Variants in LDHC observed in about 807,000 individuals in gnomAD.
LDHC encodes the protein lactate dehydrogenase C, also known as L-lactate dehydrogenase C chain.
In LDHC, 20 loss-of-function variants were observed where a neutral mutation model predicts 30.2. That is an observed-to-expected ratio of 0.66 (90% CI 0.47 to 0.96). LDHC has a LOEUF of 0.96. Ranked by LOEUF, LDHC falls within the 40% of genes least tolerant of loss-of-function variation. The probability of loss-of-function intolerance (pLI) is 0.00; values close to 1 mark genes in which losing one functional copy is unlikely to be tolerated. For missense variants in LDHC, 362 were observed against 394.9 expected, an observed-to-expected ratio of 0.92 and a Z score of 0.71; for synonymous variants, 139 against 132.7, an observed-to-expected ratio of 1.05 and a Z score of -0.32.
rs1197642936 is a variant in LDHC, at chr11:18,434,813, T to C, written c.492T>C (p.Asn164=). The C allele has an allele frequency of 6.2e-7, 1 of 1,611,508 alleles. No individual in the cohort carries two copies. The highest frequency in any genetic ancestry group is 2.2e-5 in the East Asian group (1 of 44,864). Residue 164 remains asparagine, a synonymous_variant, in exon 5 of 8, where the codon AAT becomes AAC. Transcript: ENST00000541669. ...PVTRVIGSGC[N]LDSARFRYLI... ...CTCGTGTAATTGGAAGTGGTTGTAA[T>C]CTAGACTCTGCCCGTTTCCGTTACC...
At chr11:18,435,020 T>C in intron 5 of LDHC, 107 bp downstream of exon 5, 1 of 690,162 alleles carries the variant, frequency 1.4e-6, no homozygotes, top group Non-Finnish European at 2.3e-6. Flanking sequence ...ATAAGTTTAA[T>C]TTTTTTGGTA....
chr11:18,446,203 A>G lies in LDHC; in HGVS notation c.711-7A>G. 1.3e-6 allele frequency: 2 copies of G among 1,596,596 alleles called. No homozygotes were observed. The highest frequency in any genetic ancestry group is 1.7e-6 in the Non-Finnish European group (2 of 1,165,084). ...GAATTTGATTTTCTTACTTTCTACA[A>G]CTGTAGTGCCTATGAAATTATCAAG... On this transcript the variant is annotated splice_region_variant and splice_polypyrimidine_tract_variant and intron_variant, in intron 6 of 7. Transcript: ENST00000541669.
chr11:18,448,130 CT>C (rs1848587354), intron 7 of LDHC, among the ~76,000 whole-genome samples: 2 of 151,412 alleles, frequency 1.3e-5, no homozygotes, highest in African/African-American at 4.9e-5. Flanking sequence ...TTTTCTGAGG[CT>C]GCAGAACCTA....
intron 7 of LDHC, among the ~76,000 whole-genome samples, chr11:18,447,188 C>T (rs1402895911): frequency 6.7e-6 from 1 of 149,704 alleles, no homozygotes; most frequent in East Asian, 2.0e-4. Flanking sequence ...GGCTGGAGTG[C>T]AGTCATGCGA....
At position 18,448,345 on chromosome 11, in the gene LDHC, G is replaced by A. The variant is rs61551469; in HGVS notation, c.834+2012G>A. ...GTTGCCCAGGCTGGAGTGCAGTGGC[G>A]CAATCTCAGCTCACTGCAACCTCTG... On this transcript the variant is annotated intron_variant, in intron 7 of 7. Coordinates refer to ENST00000541669, the MANE Select transcript of LDHC (RefSeq NM_017448.5). Among the ~76,000 whole-genome samples, 152 of 152,166 alleles carry A rather than the reference G, an allele frequency of 1.0e-3. 5 individuals are homozygous for A. In the South Asian group the frequency reaches 0.028, roughly 29 times the overall value.
In LDHC at chr11:18,433,659, G is replaced by T. The variant is rs552707030; in HGVS notation, c.419-1081G>T. The stretch of plus-strand genomic sequence containing the variant: ...TTCTAGGTTGTAGGGTTTCTGCTGA[G>T]AAATCTGCTATTAATTTGATAGGTT... On this transcript the variant is annotated intron_variant, in intron 4 of 7. Coordinates refer to ENST00000541669, the MANE Select transcript of LDHC (RefSeq NM_017448.5). Among the ~76,000 whole-genome samples, 68 of 152,352 alleles carry T rather than the reference G, an allele frequency of 4.5e-4. 1 individual carries two copies. Among genetic ancestry groups the T allele is most frequent in the African/African-American group, 1.6e-3 (66 of 41,588 alleles).
At chr11:18,449,959 C>A (rs529228254) in intron 7 of LDHC, among the ~76,000 whole-genome samples, 19 of 151,982 alleles carry the variant, frequency 1.3e-4, no homozygotes, top group African/African-American at 4.3e-4. Context: ...CCTTCTCCCA[C>A]AACCCCAGAC....
intron 3 of LDHC, among the ~76,000 whole-genome samples, chr11:18,423,014 AG>A (rs1212672714): frequency 9.2e-6 from 1 of 108,414 alleles, no homozygotes; most frequent in South Asian, 3.8e-4. Flanking sequence ...AAAAACTCAA[AG>A]AATATATTAT....
At chr11:18,414,942 CA>C (rs1245928137) in intron 2 of LDHC, among the ~76,000 whole-genome samples, 1 of 151,736 alleles carries the variant, frequency 6.6e-6, no homozygotes, top group Admixed American at 6.6e-5. Context: ...AAAACAAAAA[CA>C]AAAAACACCC....
At chr11:18,424,858 A>G (rs1011878540) in intron 3 of LDHC, among the ~76,000 whole-genome samples, 5 of 152,062 alleles carry the variant, frequency 3.3e-5, no homozygotes, top group Non-Finnish European at 5.9e-5. Flanking sequence ...AAATACAAAA[A>G]TTAGCTGGGT....
chr11:18,414,787 A>G (rs1342854336), intron 2 of LDHC, among the ~76,000 whole-genome samples: 3 of 152,184 alleles, frequency 2.0e-5, no homozygotes, highest in Non-Finnish European at 4.4e-5. Context: ...AGATTGTGCC[A>G]CTGCACTCCA....
intron 4 of LDHC, among the ~76,000 whole-genome samples, chr11:18,432,010 G>A (rs1469212403): frequency 6.6e-6 from 1 of 151,976 alleles, no homozygotes; most frequent in Admixed American, 6.6e-5. Context: ...TGCTGGGTTT[G>A]GGTTTGGTTT....
At chr11:18,429,962 T>A in intron 4 of LDHC, 52 bp downstream of exon 4, 2 of 1,134,818 alleles carry the variant, frequency 1.8e-6, no homozygotes, top group South Asian at 3.0e-5. Flanking sequence ...TTCCATACCA[T>A]TCCTTTAAAA....
rs200320103 is a variant in LDHC, at chr11:18,448,112, A to AC, written c.834+1783dup. Reference sequence around the variant, plus strand: ...AAAGAGTACACAATGGATACCACACACCCCTTCTTTTCTGAGGCTGCAGAA... The same window carrying AC: ...AAAGAGTACACAATGGATACCACACACCCCCTTCTTTTCTGAGGCTGCAGAA... On this transcript the variant is annotated intron_variant, in intron 7 of 7. Transcript: ENST00000541669. Among the ~76,000 whole-genome samples the AC allele has an allele frequency of 8.3e-3, 1,249 of 150,822 alleles. 15 individuals carry two copies. Among genetic ancestry groups the AC allele is most frequent in the African/African-American group, 0.029 (1,198 of 41,010 alleles).
At chr11:18,448,640 A>G (rs1307391600) in intron 7 of LDHC, among the ~76,000 whole-genome samples, 1 of 152,114 alleles carries the variant, frequency 6.6e-6, no homozygotes, top group East Asian at 1.9e-4. Flanking sequence ...AGTCATTTGT[A>G]TATTCTTATT....
At chr11:18,439,563 C>CAA (rs34511927) in intron 6 of LDHC, among the ~76,000 whole-genome samples, 646 of 59,092 alleles carry the variant, frequency 0.011, 15 homozygotes, top group Middle Eastern at 0.043. Context: ...AACTCCATCT[C>CAA]AAAAAAAAAA....
chr11:18,451,403 G>C lies in LDHC; in HGVS notation c.*276G>C, dbSNP rs1474981920. 1.4e-5 allele frequency: 3 copies of C among 209,012 alleles called. No individual in the cohort carries two copies. The highest frequency in any genetic ancestry group is 1.4e-4 in the South Asian group (1 of 7,128). The allele number at this position is 209,012 out of a possible 1,614,324, so 12.9% of individuals were successfully genotyped here. On this transcript the variant is annotated 3_prime_UTR_variant, in exon 8 of 8. Coordinates refer to ENST00000541669, the MANE Select transcript of LDHC (RefSeq NM_017448.5). ...ATATGTTAGAGTGCCTTCAGATGTAGTAGAATATGTATAATCACTATAATA... is the reference window on the plus strand; with the variant it reads ...ATATGTTAGAGTGCCTTCAGATGTACTAGAATATGTATAATCACTATAATA...
At chr11:18,444,342 T>C (rs1418792601) in intron 6 of LDHC, among the ~76,000 whole-genome samples, 3 of 152,040 alleles carry the variant, frequency 2.0e-5, no homozygotes, top group African/African-American at 4.8e-5. Context: ...CTGGTGAGAT[T>C]TGTCCCCAGT....
At chr11:18,447,444 A>G (rs1848574157) in intron 7 of LDHC, among the ~76,000 whole-genome samples, 1 of 152,076 alleles carries the variant, frequency 6.6e-6, no homozygotes, top group Non-Finnish European at 1.5e-5. Context: ...CGATTTCTCT[A>G]TTTTTAGTGA....
Sources: allele counts gnomAD v4.1 joint callset (sites outside exome capture counted in the v4.1 genomes callset), GRCh38; gene constraint gnomAD v4.1.1; transcripts MANE v1.5; gene names NCBI Gene and HGNC (gene_info 2026-07-23, HGNC 2026-07-21).